Variants in TENM3 observed in about 807,000 individuals in gnomAD.
TENM3 encodes the protein teneurin transmembrane protein 3, also known as teneurin-3.
A neutral mutation model predicts 255.1 loss-of-function variants in TENM3; 63 were observed. That is an observed-to-expected ratio of 0.25 (90% CI 0.20 to 0.30). TENM3 has a LOEUF of 0.30. Among genes scored for constraint, TENM3 ranks in the 10% least tolerant of loss-of-function variants. The pLI is 1.00. For synonymous variants in TENM3, 1,306 were observed against 1,322.3 expected, an observed-to-expected ratio of 0.99 and a Z score of 0.27; for missense variants, 2,929 against 3,461.1, an observed-to-expected ratio of 0.85 and a Z score of 3.86.
At chr4:182,109,697 A>G in the TENM3 span, among the ~76,000 whole-genome samples, 2 of 152,190 alleles carry the variant, frequency 1.3e-5, no homozygotes, top group African/African-American at 4.8e-5. Flanking sequence ...TCCGAATTTC[A>G]CTTTCTCCCA....
At chr4:182,002,962 C>A in the TENM3 span, among the ~76,000 whole-genome samples, 1 of 152,136 alleles carries the variant, frequency 6.6e-6, no homozygotes, top group South Asian at 2.1e-4. Flanking sequence ...GACCTTTATG[C>A]CAACTAACTT....
chr4:182,721,469 A>G (rs1413170582), intron 13 of TENM3, among the ~76,000 whole-genome samples: 1 of 152,136 alleles, frequency 6.6e-6, no homozygotes, highest in African/African-American at 2.4e-5. Flanking sequence ...CCACTGCTAC[A>G]CTGACGATAA....
chr4:182,602,938 T>G (rs1748040984), intron 4 of TENM3, among the ~76,000 whole-genome samples: 1 of 152,206 alleles, frequency 6.6e-6, no homozygotes. Flanking sequence ...TATGTCAAAT[T>G]AAATCCTCAG....
intron 3 of TENM3, among the ~76,000 whole-genome samples, chr4:182,572,525 A>C (rs1010873367): frequency 1.3e-5 from 2 of 152,238 alleles, no homozygotes; most frequent in African/African-American, 4.8e-5. Context: ...GTAGCCTTGA[A>C]GAATTCCACA....
the TENM3 span, among the ~76,000 whole-genome samples, chr4:181,548,590 C>T: frequency 0.03 from 4,519 of 152,188 alleles, 224 homozygotes; most frequent in African/African-American, 0.099. Context: ...ATAATTTCCA[C>T]GTGGATTCCT....
the TENM3 span, among the ~76,000 whole-genome samples, chr4:181,671,390 A>T: frequency 2.6e-5 from 4 of 152,182 alleles, no homozygotes; most frequent in Admixed American, 2.6e-4. Flanking sequence ...GTTTCAGATC[A>T]TCTGGATCTC....
the TENM3 span, among the ~76,000 whole-genome samples, chr4:181,969,850 A>C: frequency 6.6e-6 from 1 of 152,260 alleles, no homozygotes; most frequent in South Asian, 2.1e-4. Context: ...ACCACCTGAC[A>C]AGAAACAATT....
intron 3 of TENM3, among the ~76,000 whole-genome samples, chr4:182,515,580 T>C (rs1401320877): frequency 1.3e-5 from 2 of 152,190 alleles, no homozygotes. Flanking sequence ...ACAATATGTA[T>C]TTTATTAATT....
chr4:182,245,315 C>T (rs368844110), intron 1 of TENM3, among the ~76,000 whole-genome samples: 7 of 152,138 alleles, frequency 4.6e-5, no homozygotes, highest in Admixed American at 2.0e-4. Flanking sequence ...TAGCATCCTC[C>T]GGCATCATTT....
intron 3 of TENM3, among the ~76,000 whole-genome samples, chr4:182,539,971 C>G (rs1014751629): frequency 1.3e-5 from 2 of 152,152 alleles, no homozygotes; most frequent in African/African-American, 2.4e-5. Context: ...TGCTGTATCC[C>G]CAGCGTCTGG....
chr4:181,803,804 C>T, the TENM3 span, among the ~76,000 whole-genome samples: 3 of 151,708 alleles, frequency 2.0e-5, no homozygotes, highest in Admixed American at 6.6e-5. Flanking sequence ...GGTGTGGTGG[C>T]ATGAGCCTGT....
intron 3 of TENM3, among the ~76,000 whole-genome samples, chr4:182,452,343 CG>C (rs550515980): frequency 1.4e-4 from 8 of 58,638 alleles, no homozygotes; most frequent in African/African-American, 2.0e-4. Flanking sequence ...GGACGGGGGG[CG>C]GGGGGGTGTC....
the TENM3 span, among the ~76,000 whole-genome samples, chr4:181,621,372 C>G: frequency 6.6e-6 from 1 of 152,166 alleles, no homozygotes; most frequent in African/African-American, 2.4e-5. Context: ...TTTTTCATAA[C>G]TATATCTTTA....
chr4:182,043,927 C>G, the TENM3 span, among the ~76,000 whole-genome samples: 5 of 152,174 alleles, frequency 3.3e-5, no homozygotes, highest in East Asian at 9.6e-4. Context: ...TAAGTTCTCT[C>G]TCTTCAAATC....
At chr4:182,063,943 A>G in the TENM3 span, among the ~76,000 whole-genome samples, 1 of 152,146 alleles carries the variant, frequency 6.6e-6, no homozygotes, top group Non-Finnish European at 1.5e-5. Context: ...GGCATTTGGG[A>G]TAGAATGCAG....
intron 2 of TENM3, among the ~76,000 whole-genome samples, chr4:182,342,647 CTGTT>C (rs951007611): frequency 1.3e-5 from 2 of 152,130 alleles, no homozygotes; most frequent in Non-Finnish European, 1.5e-5. Context: ...TTCAATAAAA[CTGTT>C]TGTTTTTTTA....
the TENM3 span, among the ~76,000 whole-genome samples, chr4:181,849,329 T>C: frequency 7.2e-4 from 109 of 152,344 alleles, 1 homozygote; most frequent in African/African-American, 2.4e-3. Context: ...TCAGTTGGAC[T>C]GTTAATTTCA....
the TENM3 span, among the ~76,000 whole-genome samples, chr4:181,538,401 G>A: frequency 2.6e-5 from 4 of 152,012 alleles, no homozygotes; most frequent in African/African-American, 7.2e-5. Flanking sequence ...AATAGTAAAC[G>A]CTCGGAACAT....
the TENM3 span, among the ~76,000 whole-genome samples, chr4:181,762,002 A>T: frequency 1.3e-5 from 2 of 152,196 alleles, no homozygotes; most frequent in Non-Finnish European, 2.9e-5. Flanking sequence ...TTGTTGGTCC[A>T]TGTGGGCTCA....
Sources: gnomAD v4.1 joint callset for allele counts (sites outside exome capture counted in the v4.1 genomes callset) on GRCh38, gnomAD v4.1.1 for gene constraint, MANE v1.5 for transcripts, NCBI Gene and HGNC (gene_info 2026-07-23, HGNC 2026-07-21) for gene names.